GSTZ1: variants seen among roughly 807,000 people sequenced by gnomAD.
GSTZ1 encodes the protein maleylacetoacetate isomerase.
In GSTZ1, 34 loss-of-function variants were observed where a neutral mutation model predicts 35.9. The ratio of observed to expected loss-of-function variants is 0.95; its 90% CI spans 0.72 to 1.26. GSTZ1 has a LOEUF of 1.26. Among genes scored for constraint, GSTZ1 ranks in the 50% most tolerant of loss-of-function variants. The probability of loss-of-function intolerance (pLI) is 0.00; values close to 1 mark genes in which losing one functional copy is unlikely to be tolerated. For synonymous variants in GSTZ1, 93 were observed against 101.2 expected, an observed-to-expected ratio of 0.92 and a Z score of 0.49; for missense variants, 263 against 271.7, an observed-to-expected ratio of 0.97 and a Z score of 0.23.
chr14:77,331,420 C>G lies in GSTZ1; in HGVS notation c.*225C>G. On this transcript the variant is annotated 3_prime_UTR_variant, in exon 9 of 9. Transcript: ENST00000216465. The stretch of plus-strand genomic sequence containing the variant: ...GCAGGGTGGGCAGGAATACTGTTAT[C>G]TATGTGACGGGGCAGTCGTGAGGCT... 2.0e-6 allele frequency: 1 copy of G among 508,294 alleles called. No homozygotes were observed. Among genetic ancestry groups the G allele is most frequent in the Middle Eastern group, 5.2e-4 (1 of 1,928 alleles). 31.5% of individuals were successfully genotyped at this position (508,294 alleles called of 1,614,324 possible). A position where few individuals can be genotyped will look rare whatever the true frequency, so the allele number is the denominator to read the frequency against.
Position 77,327,490 on chromosome 14 carries a change from G to GC in GSTZ1, c.155dup (p.Leu53ThrfsTer13). Reference sequence around the variant, plus strand: ...TCCACAGTTTTCTAAGGACTTCCAGGCACTGAATCCTATGAAGCAGGTGCC... The same window carrying GC: ...TCCACAGTTTTCTAAGGACTTCCAGGCCACTGAATCCTATGAAGCAGGTGCC... On this transcript the variant is annotated frameshift_variant, in exon 4 of 9. Coordinates refer to ENST00000216465, the MANE Select transcript of GSTZ1 (RefSeq NM_145870.3). LOFTEE classifies it high-confidence loss of function. 6.2e-7 allele frequency: 1 copy of GC among 1,607,538 alleles called. No individual in the cohort carries two copies. Among genetic ancestry groups the GC allele is most frequent in the Non-Finnish European group, 8.5e-7 (1 of 1,176,320 alleles).
At chr14:77,323,973 G>GT (rs1892164281) in intron 1 of GSTZ1, 1 of 152,340 alleles carries the variant, frequency 6.6e-6, no homozygotes, top group South Asian at 2.1e-4. Context: ...AAAGGCAGAG[G>GT]TTTGTCCAAG....
rs368148243 is a variant in GSTZ1, at chr14:77,327,953, G to A, written c.258G>A (p.Pro86=). The change falls in exon 5 of 9, where the codon CCG becomes CCA. Residue 86 remains proline (P), a synonymous_variant. Transcript: ENST00000216465. ...IEYLEEMRPT[P]RLLPQDPKKR... is the part of the protein sequence containing the mutation. ...ATCTAGAGGAGATGCGTCCCACTCCGCGACTTCTGCCTCAGGACCCAAAGA... is the reference window on the plus strand; with the variant it reads ...ATCTAGAGGAGATGCGTCCCACTCCACGACTTCTGCCTCAGGACCCAAAGA... 11 of 1,613,788 alleles carry A rather than the reference G, an allele frequency of 6.8e-6. No individual in the cohort carries two copies. Among genetic ancestry groups the A allele is most frequent in the East Asian group, 4.5e-5 (2 of 44,874 alleles).
At position 77,331,536 on chromosome 14, in the gene GSTZ1, G is replaced by A. The variant is rs1892629972; in HGVS notation, c.*341G>A. On this transcript the variant is annotated 3_prime_UTR_variant, in exon 9 of 9. Transcript: ENST00000216465. ...CTTTTCTCATCCGCTTTTGTTGTGT[G>A]TGACTCCAAAGAATGCCCGCGCTGA... The A allele has an allele frequency of 4.4e-6, 1 of 226,014 alleles. No homozygotes were observed. Among genetic ancestry groups the A allele is most frequent in the East Asian group, 9.7e-5 (1 of 10,362 alleles). The allele number at this position is 226,014 out of a possible 1,614,324, so 14.0% of individuals were successfully genotyped here. A position where few individuals can be genotyped will look rare whatever the true frequency, so the allele number is the denominator to read the frequency against.
Position 77,328,013 on chromosome 14 carries a change from C to T in GSTZ1, c.318C>T (p.Ile106=), listed in dbSNP as rs759028619. 3 of 1,614,006 alleles carry T rather than the reference C, an allele frequency of 1.9e-6. No homozygotes were observed. The highest frequency in any genetic ancestry group is 1.7e-5 in the Admixed American group (1 of 60,006). Reference sequence around the variant, plus strand: ...GCGTGCGTATGATTTCTGACCTCATCGCTGGTGGCATCCAGCCCCTGCAGG... The same window carrying T: ...GCGTGCGTATGATTTCTGACCTCATTGCTGGTGGCATCCAGCCCCTGCAGG... ...RASVRMISDL[I]AGGIQPLQNL... The change falls in exon 5 of 9, where the codon ATC becomes ATT. Residue 106 remains isoleucine (I), a synonymous_variant. Coordinates refer to ENST00000216465, the MANE Select transcript of GSTZ1 (RefSeq NM_145870.3).
intron 2 of GSTZ1, chr14:77,325,706 C>G (rs1892281278): frequency 6.6e-6 from 1 of 152,160 alleles, no homozygotes; most frequent in Admixed American, 6.5e-5. Flanking sequence ...ACCCAAGAAG[C>G]TTGCCTCCAG....
intron 5 of GSTZ1, chr14:77,328,638 T>C (rs1892457384): frequency 5.6e-6 from 1 of 178,900 alleles, no homozygotes; most frequent in Non-Finnish European, 1.2e-5. Context: ...GACATCTCCA[T>C]TTTATAATGA....
intron 8 of GSTZ1, 49 bp downstream of exon 8, chr14:77,330,408 C>G: frequency 1.4e-6 from 2 of 1,438,092 alleles, no homozygotes; most frequent in Non-Finnish European, 2.0e-6. Flanking sequence ...TGCCCACAGT[C>G]AGGCCCCACT....
intron 1 of GSTZ1, 64 bp from the exon 2 acceptor site, chr14:77,324,806 C>A: frequency 6.7e-7 from 1 of 1,496,034 alleles, no homozygotes; most frequent in Non-Finnish European, 9.3e-7. Flanking sequence ...AAATGGTTGA[C>A]TCCTCCCAAG....
Position 77,321,065 on chromosome 14 carries a change from A to G in GSTZ1, c.-104A>G. ...TCCAGCCCCTCGCTTTACCCGGACG[A>G]AAGACACGGGCCTGATTCGTCGAGT... is the stretch of plus-strand genomic sequence containing the variant. On this transcript the variant is annotated 5_prime_UTR_variant, in exon 1 of 9. Coordinates refer to ENST00000216465, the MANE Select transcript of GSTZ1 (RefSeq NM_145870.3). 1 of 1,237,608 alleles carries G rather than the reference A, an allele frequency of 8.1e-7. No individual in the cohort carries two copies. The highest frequency in any genetic ancestry group is 1.1e-6 in the Non-Finnish European group (1 of 914,824). 76.7% of individuals were successfully genotyped at this position (1,237,608 alleles called of 1,614,324 possible). A position where few individuals can be genotyped will look rare whatever the true frequency, so the allele number is the denominator to read the frequency against.
intron 1 of GSTZ1, chr14:77,324,622 G>A: frequency 1.3e-6 from 2 of 1,530,332 alleles, no homozygotes. Flanking sequence ...AGTCTGGCAA[G>A]GTATGGAAGG....
Position 77,326,886 on chromosome 14 carries a change from TA to T in GSTZ1, c.119del (p.Lys40ArgfsTer14). 1 of 1,605,432 alleles carries T rather than the reference TA, an allele frequency of 6.2e-7. No homozygotes were observed. The highest frequency in any genetic ancestry group is 8.5e-7 in the Non-Finnish European group (1 of 1,174,962). The part of the protein sequence containing the change: ...IDYETVPINL[I>X]KDGGQQFSKD... Reference sequence around the variant, plus strand: ...TACGAGACGGTGCCCATCAATCTCATAAAGGATGGGGGCCAACAGGTAAGAA... The same window carrying T: ...TACGAGACGGTGCCCATCAATCTCATAAGGATGGGGGCCAACAGGTAAGAA... On this transcript the variant is annotated frameshift_variant, in exon 3 of 9. Transcript: ENST00000216465. LOFTEE classifies it high-confidence loss of function.
At chr14:77,328,593 G>A (rs970283764) in intron 5 of GSTZ1, 17 of 173,466 alleles carry the variant, frequency 9.8e-5, no homozygotes, top group Admixed American at 6.3e-4. Context: ...CCCTCTACCC[G>A]CATGTCGCTT....
chr14:77,321,237 G>A, intron 1 of GSTZ1, 54 bp downstream of exon 1: 2 of 1,533,060 alleles, frequency 1.3e-6, no homozygotes, highest in Non-Finnish European at 8.8e-7. Flanking sequence ...TGGAGACCCT[G>A]GGGGGCGGGG....
chr14:77,331,453 G>A lies in GSTZ1; in HGVS notation c.*258G>A. On this transcript the variant is annotated 3_prime_UTR_variant, in exon 9 of 9. Coordinates refer to ENST00000216465, the MANE Select transcript of GSTZ1 (RefSeq NM_145870.3). Reference sequence around the variant, plus strand: ...CGGGGCAGTCGTGAGGCTGAGATGAGAATGCGGATTAAAATGCCTGGCGTG... The same window carrying A: ...CGGGGCAGTCGTGAGGCTGAGATGAAAATGCGGATTAAAATGCCTGGCGTG... 1 of 423,724 alleles carries A rather than the reference G, an allele frequency of 2.4e-6. No individual in the cohort carries two copies. Among genetic ancestry groups the A allele is most frequent in the South Asian group, 5.1e-5 (1 of 19,604 alleles). The allele number at this position is 423,724 out of a possible 1,614,324, so 26.2% of individuals were successfully genotyped here.
At chr14:77,325,865 C>T (rs1272128175) in intron 2 of GSTZ1, 1 of 152,270 alleles carries the variant, frequency 6.6e-6, no homozygotes, top group African/African-American at 2.4e-5. Flanking sequence ...TACCTCTGCC[C>T]TGGCTGAGCC....
intron 1 of GSTZ1, 25 bp from the exon 2 acceptor site, chr14:77,324,845 G>A (rs752758983): frequency 3.5e-5 from 56 of 1,612,460 alleles, no homozygotes; most frequent in Middle Eastern, 1.6e-4. Context: ...GGGTTAACAC[G>A]CGCCTTCATC....
At chr14:77,329,446 C>A (rs1892500241) in intron 6 of GSTZ1, 6 of 596,552 alleles carry the variant, frequency 1.0e-5, no homozygotes, top group Non-Finnish European at 1.5e-5. Flanking sequence ...TTCAGCTTCA[C>A]TGCCTACTCC....
At chr14:77,325,961 C>CT (rs1566672734) in intron 2 of GSTZ1, 1 of 152,466 alleles carries the variant, frequency 6.6e-6, no homozygotes, top group Non-Finnish European at 1.5e-5. Flanking sequence ...GCCCCAAACA[C>CT]TGTCACTCCC....
Sources: allele counts gnomAD v4.1 joint callset, GRCh38; gene constraint gnomAD v4.1.1; transcripts MANE v1.5; gene names NCBI Gene and HGNC (gene_info 2026-07-23, HGNC 2026-07-21).